Variants in PSD3 observed in about 807,000 individuals in gnomAD.
PSD3 encodes the protein PH and SEC7 domain-containing protein 3.
PSD3 carries 49 observed loss-of-function variants against 105.5 expected under a neutral mutation model. That is an observed-to-expected ratio of 0.46 (90% CI 0.37 to 0.59). The LOEUF (loss-of-function observed/expected upper bound fraction) is 0.59. PSD3 is among the 20% of genes least tolerant of loss of function. The pLI is 0.00. For missense variants in PSD3, 1,561 were observed against 1,263.8 expected (o/e 1.24, Z -3.57); for synonymous variants, 557 against 457.8 (o/e 1.22, Z -2.77).
chr8:18,920,154 G>C (rs1320950856), intron 2 of PSD3, among the ~76,000 whole-genome samples: 2 of 151,796 alleles, frequency 1.3e-5, no homozygotes, highest in African/African-American at 4.8e-5. Flanking sequence ...AATCTAATGT[G>C]CCCTGATGCT....
rs571738969 is a variant in PSD3, at chr8:18,710,974, C to T, written c.2172+54475G>A. ...CTGGGATTACAGGCATGAGCCACTG[C>T]GCCTGGTCTCAACATTCTTAAAAAA... On this transcript the variant is annotated intron_variant, in intron 9 of 15. Transcript: ENST00000327040. Among the ~76,000 whole-genome samples, 82 of 151,680 alleles carry T rather than the reference C, an allele frequency of 5.4e-4. 1 individual carries two copies. The highest frequency in any genetic ancestry group is 7.8e-4 in the African/African-American group (32 of 41,196).
At chr8:18,603,693 A>G (rs1336424663) in intron 11 of PSD3, among the ~76,000 whole-genome samples, 4 of 152,172 alleles carry the variant, frequency 2.6e-5, no homozygotes, top group Admixed American at 6.5e-5. Flanking sequence ...TGATTGGGTC[A>G]TGTGGGTGGT....
At chr8:19,074,611 A>ATATATATATATATATATATAT (rs1324257417) in intron 1 of PSD3, among the ~76,000 whole-genome samples, 1 of 24,230 alleles carries the variant, frequency 4.1e-5, no homozygotes, top group African/African-American at 1.6e-4. Flanking sequence ...ATATATATAT[A>ATATATATATATATATATATAT]TTTTTTTTTT....
At chr8:18,756,171 C>A (rs1204563577) in intron 9 of PSD3, among the ~76,000 whole-genome samples, 2 of 152,162 alleles carry the variant, frequency 1.3e-5, no homozygotes, top group Non-Finnish European at 2.9e-5. Flanking sequence ...CCATGACCTT[C>A]TCTTGGAAAG....
chr8:18,707,174 T>A (rs1230317695), intron 9 of PSD3, among the ~76,000 whole-genome samples: 1 of 152,124 alleles, frequency 6.6e-6, no homozygotes, highest in African/African-American at 2.4e-5. Flanking sequence ...CCTGTCCAAA[T>A]CCTACCCATC....
intron 9 of PSD3, among the ~76,000 whole-genome samples, chr8:18,706,687 T>A (rs1563186857): frequency 6.6e-6 from 1 of 152,210 alleles, no homozygotes; most frequent in Non-Finnish European, 1.5e-5. Context: ...TAATGAACTG[T>A]GAGGTTTGTG....
At chr8:18,937,832 G>A (rs149861881) in intron 1 of PSD3, among the ~76,000 whole-genome samples, 231 of 152,282 alleles carry the variant, frequency 1.5e-3, no homozygotes, top group African/African-American at 5.4e-3. Flanking sequence ...GGTGGTTAGG[G>A]AAAGCTCTCT....
intron 9 of PSD3, among the ~76,000 whole-genome samples, chr8:18,719,248 TAC>T (rs745656771): frequency 3.3e-5 from 5 of 152,166 alleles, no homozygotes; most frequent in Non-Finnish European, 4.4e-5. Context: ...CTGGGTACAA[TAC>T]ACAGAGTTCC....
chr8:18,754,976 G>A (rs978764335), intron 9 of PSD3, among the ~76,000 whole-genome samples: 1 of 152,066 alleles, frequency 6.6e-6, no homozygotes, highest in Non-Finnish European at 1.5e-5. Flanking sequence ...TGAAAGGAGG[G>A]CATCAATCAT....
intron 10 of PSD3, 127 bp downstream of exon 10, chr8:18,655,515 C>T (rs1808824316): frequency 3.4e-6 from 3 of 879,832 alleles, no homozygotes; most frequent in Non-Finnish European, 3.7e-6. Context: ...GTAGGTAAGA[C>T]ACTTGGTGTA....
At chr8:18,749,837 G>C (rs533811031) in intron 9 of PSD3, among the ~76,000 whole-genome samples, 1 of 152,182 alleles carries the variant, frequency 6.6e-6, no homozygotes, top group South Asian at 2.1e-4. Context: ...GGACCCCTGG[G>C]CAACAACCAA....
chr8:18,652,372 G>T (rs1014273816), intron 10 of PSD3, among the ~76,000 whole-genome samples: 2 of 152,044 alleles, frequency 1.3e-5, no homozygotes, highest in African/African-American at 2.4e-5. Context: ...AACGCTAAGG[G>T]ATAATATGAG....
intron 11 of PSD3, among the ~76,000 whole-genome samples, chr8:18,616,248 T>C (rs1805654083): frequency 6.6e-6 from 1 of 152,242 alleles, no homozygotes; most frequent in African/African-American, 2.4e-5. Context: ...ATTTATCAGA[T>C]GTCCAGTGCG....
chr8:18,614,345 C>T (rs914046330), intron 11 of PSD3, among the ~76,000 whole-genome samples: 8 of 150,698 alleles, frequency 5.3e-5, no homozygotes, highest in African/African-American at 1.5e-4. Context: ...CCCCATCCCC[C>T]CCCCAAAAAA....
At chr8:18,963,116 A>G (rs1824024432) in intron 1 of PSD3, among the ~76,000 whole-genome samples, 1 of 152,190 alleles carries the variant, frequency 6.6e-6, no homozygotes, top group Non-Finnish European at 1.5e-5. Context: ...AGGAAGATGC[A>G]AAAGTGGAAA....
chr8:18,839,099 G>C (rs1563331372), intron 4 of PSD3, among the ~76,000 whole-genome samples: 1 of 151,820 alleles, frequency 6.6e-6, no homozygotes, highest in Non-Finnish European at 1.5e-5. Context: ...TTCCTGCACT[G>C]AGCTCTCTCC....
intron 4 of PSD3, among the ~76,000 whole-genome samples, chr8:18,821,988 G>A (rs1476774611): frequency 2.0e-5 from 3 of 151,924 alleles, no homozygotes; most frequent in East Asian, 1.9e-4. Flanking sequence ...GCCCCCGACT[G>A]CAGAGTCACA....
chr8:19,072,515 A>G (rs186793985), intron 1 of PSD3, among the ~76,000 whole-genome samples: 87 of 152,376 alleles, frequency 5.7e-4, no homozygotes, highest in Admixed American at 9.1e-4. Flanking sequence ...AATTATGATT[A>G]GATGAAAATA....
At chr8:18,839,510 G>A (rs1437292994) in intron 4 of PSD3, among the ~76,000 whole-genome samples, 1 of 152,128 alleles carries the variant, frequency 6.6e-6, no homozygotes, top group Non-Finnish European at 1.5e-5. Context: ...GGTGGAGTCT[G>A]TTTGCTGCAG....
Sources: allele counts gnomAD v4.1 joint callset (sites outside exome capture counted in the v4.1 genomes callset), GRCh38; gene constraint gnomAD v4.1.1; transcripts MANE v1.5; gene names NCBI Gene and HGNC (gene_info 2026-07-23, HGNC 2026-07-21).